The following RYR2 variants were observed in gnomAD, a reference collection of about 807,000 sequenced individuals.
The protein encoded by RYR2 is cardiac muscle ryanodine receptor-calcium release channel.
Under a neutral mutation model 601.1 loss-of-function variants are expected in RYR2, and 227 were observed. The ratio of observed to expected loss-of-function variants is 0.38; its 90% CI spans 0.34 to 0.42. RYR2 has a LOEUF of 0.42. RYR2 is among the 10% of genes least tolerant of loss of function. The pLI is 1.00. For missense variants in RYR2, 4,646 were observed against 6,156.5 expected (o/e 0.75, Z 8.21); for synonymous variants, 2,223 against 2,175.1 (o/e 1.02, Z -0.61).
At chr1:237,069,537 T>C (rs1664053616) in intron 1 of RYR2, among the ~76,000 whole-genome samples, 1 of 146,696 alleles carries the variant, frequency 6.8e-6, no homozygotes, top group African/African-American at 2.5e-5. Flanking sequence ...CAGGAATGTT[T>C]ATATAACATT....
chr1:237,397,298 A>G (rs975811697), intron 10 of RYR2, among the ~76,000 whole-genome samples: 2 of 152,166 alleles, frequency 1.3e-5, no homozygotes, highest in Non-Finnish European at 2.9e-5. Context: ...ACAAAAATCT[A>G]TGAAATATTT....
At chr1:237,323,526 A>G (rs1695841018) in intron 2 of RYR2, among the ~76,000 whole-genome samples, 1 of 152,192 alleles carries the variant, frequency 6.6e-6, no homozygotes, top group Admixed American at 6.5e-5. Flanking sequence ...GAGTCATTTG[A>G]ATTTTAAAAT....
intron 3 of RYR2, among the ~76,000 whole-genome samples, chr1:237,346,367 CAA>C (rs397975831): frequency 9.1e-4 from 57 of 62,300 alleles, no homozygotes; most frequent in Non-Finnish European, 1.4e-3. Context: ...GGGTCTACCT[CAA>C]AAAAAAAAAA....
intron 1 of RYR2, among the ~76,000 whole-genome samples, chr1:237,060,792 A>G (rs555362635): frequency 6.6e-6 from 1 of 152,278 alleles, no homozygotes; most frequent in Non-Finnish European, 1.5e-5. Context: ...TTGATAGACA[A>G]TGGGTTGTTT....
intron 1 of RYR2, among the ~76,000 whole-genome samples, chr1:237,214,031 G>A (rs759038346): frequency 7.0e-6 from 1 of 143,396 alleles, no homozygotes; most frequent in African/African-American, 2.6e-5. Flanking sequence ...AGCGATCCTC[G>A]TGCCTCAGTC....
At chr1:237,411,720 C>G (rs1052163353) in intron 10 of RYR2, among the ~76,000 whole-genome samples, 1 of 152,116 alleles carries the variant, frequency 6.6e-6, no homozygotes, top group Non-Finnish European at 1.5e-5. Context: ...AGGTCAACAG[C>G]TTGCACAAGT....
rs771680871 is a variant in RYR2 at position 237,566,595 on chromosome 1, C to T, written c.3243C>T (p.Thr1081=). The T allele has an allele frequency of 9.9e-6, 16 of 1,613,914 alleles. No homozygotes were observed. The East Asian group carries it at 2.2e-4, about 22-fold the overall frequency. The change falls in exon 28 of 105, where the codon ACC becomes ACT. Residue 1081 remains threonine (T), a synonymous_variant. Coordinates refer to ENST00000366574, the MANE Select transcript of RYR2 (RefSeq NM_001035.3). The part of the protein sequence containing the change: ...HAARAEVCSG[T]GERFRIFRAE... ...CCAGAGCCGAAGTGTGCAGCGGCACCGGGGAAAGGTTCCGAATCTTCCGTG... is the reference window on the plus strand; with the variant it reads ...CCAGAGCCGAAGTGTGCAGCGGCACTGGGGAAAGGTTCCGAATCTTCCGTG...
At chr1:237,690,320 G>A (rs1287223706) in intron 63 of RYR2, among the ~76,000 whole-genome samples, 1 of 152,108 alleles carries the variant, frequency 6.6e-6, no homozygotes, top group Non-Finnish European at 1.5e-5. Flanking sequence ...ATTTGGACAA[G>A]GGACTTAAAT....
chr1:237,061,818 T>A (rs1336783151), intron 1 of RYR2, among the ~76,000 whole-genome samples: 3 of 152,158 alleles, frequency 2.0e-5, no homozygotes, highest in Non-Finnish European at 4.4e-5. Flanking sequence ...TTTTTGTATC[T>A]TCTTTGCCTA....
At chr1:237,814,281 T>TGAGTTCTC (rs1558472035) in intron 100 of RYR2, among the ~76,000 whole-genome samples, 1 of 152,238 alleles carries the variant, frequency 6.6e-6, no homozygotes, top group Non-Finnish European at 1.5e-5. Flanking sequence ...TTAATTTCTT[T>TGAGTTCTC]AATTTAGTTC....
intron 1 of RYR2, among the ~76,000 whole-genome samples, chr1:237,146,447 A>G (rs1280802224): frequency 6.6e-6 from 1 of 152,182 alleles, no homozygotes; most frequent in African/African-American, 2.4e-5. Flanking sequence ...AATCACTGAC[A>G]CAGCTCTCCT....
chr1:237,436,128 C>A (rs1273439454), intron 12 of RYR2, among the ~76,000 whole-genome samples: 1 of 152,156 alleles, frequency 6.6e-6, no homozygotes, highest in African/African-American at 2.4e-5. Flanking sequence ...CTTGGATAAT[C>A]TCTCGTTTGA....
chr1:237,381,369 GA>G (rs1218954341), intron 8 of RYR2, among the ~76,000 whole-genome samples: 2 of 150,826 alleles, frequency 1.3e-5, no homozygotes, highest in African/African-American at 4.9e-5. Flanking sequence ...ATTAACTAAA[GA>G]TCTATCATGT....
chr1:237,100,058 G>A (rs1667915915), intron 1 of RYR2, among the ~76,000 whole-genome samples: 1 of 152,132 alleles, frequency 6.6e-6, no homozygotes, highest in Admixed American at 6.5e-5. Context: ...CCTCCTGCCT[G>A]CCCTTGTTAA....
At chr1:237,199,993 C>T (rs908054228) in intron 1 of RYR2, among the ~76,000 whole-genome samples, 1 of 152,072 alleles carries the variant, frequency 6.6e-6, no homozygotes, top group African/African-American at 2.4e-5. Context: ...TTGCTGTATA[C>T]CTGTACTAAG....
chr1:237,056,942 C>T (rs897976402), intron 1 of RYR2, among the ~76,000 whole-genome samples: 3 of 152,202 alleles, frequency 2.0e-5, no homozygotes, highest in Admixed American at 6.5e-5. Context: ...GCCTCCAGAG[C>T]TGAGAGATAA....
At chr1:237,435,839 G>A (rs1366797634) in intron 12 of RYR2, among the ~76,000 whole-genome samples, 1 of 152,234 alleles carries the variant, frequency 6.6e-6, no homozygotes, top group Non-Finnish European at 1.5e-5. Context: ...TGCAGAACCA[G>A]TGGAGATATG....
intron 38 of RYR2, 98 bp downstream of exon 38, chr1:237,617,584 C>T: frequency 8.8e-7 from 1 of 1,138,386 alleles, no homozygotes; most frequent in East Asian, 2.4e-5. Context: ...GTCTTGTTTT[C>T]CTTGTTCTGT....
In RYR2 at chr1:237,808,966, T is replaced by G; in HGVS notation, c.14364T>G (p.Phe4788Leu). Residue 4788 changes from phenylalanine to leucine, a missense_variant, in exon 100 of 105, where the codon TTT becomes TTG. By Grantham distance (22) the Phe-to-Leu change is conservative (BLOSUM62 0). Around this residue, in one of 17 missense-constraint regions of RYR2, gnomAD observed 21 missense variants for 24.8 expected, o/e 0.85. Transcript: ENST00000366574. Reference sequence around the variant, plus strand: ...TATACACTGTGGTGGCATTCAATTTTTTCCGAAAATTCTACAATAAAAGTG... The same window carrying G: ...TATACACTGTGGTGGCATTCAATTTGTTCCGAAAATTCTACAATAAAAGTG... ...VYLYTVVAFNFFRKFYNKSED... is the reference protein window; with the variant it reads ...VYLYTVVAFNLFRKFYNKSED... The G allele has an allele frequency of 6.2e-7, 1 of 1,613,428 alleles. No individual in the cohort carries two copies. The highest frequency in any genetic ancestry group is 8.5e-7 in the Non-Finnish European group (1 of 1,179,376).
Sources: gnomAD v4.1 joint callset for allele counts (sites outside exome capture counted in the v4.1 genomes callset) on GRCh38, gnomAD v4.1.1 for gene constraint, gnomAD v4.1.1 regional missense constraint, MANE v1.5 for transcripts, NCBI Gene and HGNC (gene_info 2026-07-23, HGNC 2026-07-21) for gene names.